ASPH: variants seen among roughly 807,000 people sequenced by gnomAD.
The protein encoded by ASPH is aspartyl/asparaginyl beta-hydroxylase.
Under a neutral mutation model 118.4 loss-of-function variants are expected in ASPH, and 100 were observed. The observed-to-expected ratio is 0.84, with a 90% confidence interval of 0.72 to 1.00. The LOEUF (loss-of-function observed/expected upper bound fraction) is 1.00, where lower values mean the gene tolerates loss of function less well. Among genes scored for constraint, ASPH ranks in the 50% least tolerant of loss-of-function variants. ASPH has a pLI of 0.00. For missense variants in ASPH, 920 were observed against 919.5 expected (o/e 1.00, Z -0.01); for synonymous variants, 315 against 325.6 (o/e 0.97, Z 0.35).
At chr8:61,657,920 C>T (rs1814612785) in intron 3 of ASPH, 1 of 152,140 alleles carries the variant, frequency 6.6e-6, no homozygotes, top group South Asian at 2.1e-4. Flanking sequence ...CAAAGGTGTA[C>T]AGATGAAAGA....
chr8:61,509,279 G>T (rs1807879848), intron 24 of ASPH, among the ~76,000 whole-genome samples: 1 of 152,160 alleles, frequency 6.6e-6, no homozygotes, highest in African/African-American at 2.4e-5. Flanking sequence ...GAATGTAAAG[G>T]AATAAAAGAA....
chr8:61,579,382 T>C (rs1836610679), intron 15 of ASPH: 1 of 1,613,912 alleles, frequency 6.2e-7, no homozygotes, highest in African/African-American at 1.3e-5. Context: ...GACATCGAGA[T>C]CGCCACCTAC....
chr8:61,584,241 T>C (rs1297562575), intron 14 of ASPH, among the ~76,000 whole-genome samples: 3 of 152,322 alleles, frequency 2.0e-5, no homozygotes, highest in Non-Finnish European at 4.4e-5. Context: ...CTTACCTATC[T>C]GCTACAATGT....
chr8:61,556,546 C>T (rs1051724764), intron 18 of ASPH, among the ~76,000 whole-genome samples: 1 of 152,142 alleles, frequency 6.6e-6, no homozygotes, highest in African/African-American at 2.4e-5. Context: ...CCATTTTAAG[C>T]CCTGAAGATA....
chr8:61,588,448 C>T (rs1840106929), intron 14 of ASPH, among the ~76,000 whole-genome samples: 3 of 152,186 alleles, frequency 2.0e-5, no homozygotes. Flanking sequence ...ATACTACAGT[C>T]CATGGGGAGA....
chr8:61,689,733 A>G (rs767356779), intron 1 of ASPH: 5 of 1,552,308 alleles, frequency 3.2e-6, no homozygotes, highest in South Asian at 1.2e-5. Context: ...AAGTAAAACA[A>G]AACAAAAAAA....
At chr8:61,562,670 T>G (rs1366209019) in intron 18 of ASPH, 74 bp downstream of exon 18, 1 of 1,345,612 alleles carries the variant, frequency 7.4e-7, no homozygotes, top group Non-Finnish European at 9.9e-7. Context: ...AAAGAGAGAC[T>G]GGGTATAATA....
chr8:61,642,849 A>G, intron 10 of ASPH, 39 bp downstream of exon 10: 1 of 1,495,564 alleles, frequency 6.7e-7, no homozygotes, highest in East Asian at 2.4e-5. Flanking sequence ...CCATCTCAAA[A>G]AAAAAAAGAA....
At chr8:61,693,352 C>T (rs1039576583) in intron 1 of ASPH, among the ~76,000 whole-genome samples, 5 of 152,172 alleles carry the variant, frequency 3.3e-5, no homozygotes, top group African/African-American at 9.7e-5. Context: ...TAACAGATTC[C>T]GTAACCCTGC....
chr8:61,593,344 TGAAA>T (rs1339357282), intron 14 of ASPH, among the ~76,000 whole-genome samples: 17 of 151,968 alleles, frequency 1.1e-4, no homozygotes, highest in Non-Finnish European at 2.1e-4. Flanking sequence ...GGGCAACTCT[TGAAA>T]GACTCTCTTA....
At chr8:61,573,556 A>G (rs1430186511) in intron 16 of ASPH, among the ~76,000 whole-genome samples, 6 of 152,188 alleles carry the variant, frequency 3.9e-5, no homozygotes, top group Non-Finnish European at 7.3e-5. Flanking sequence ...CAGAAATAAC[A>G]TCACACATCT....
intron 22 of ASPH, among the ~76,000 whole-genome samples, chr8:61,521,134 A>C (rs1812827970): frequency 6.6e-6 from 1 of 152,178 alleles, no homozygotes; most frequent in East Asian, 1.9e-4. Context: ...TGATGTCTAC[A>C]ACATGTCATA....
intron 14 of ASPH, among the ~76,000 whole-genome samples, chr8:61,604,225 G>A (rs1053461655): frequency 2.0e-5 from 3 of 152,052 alleles, no homozygotes; most frequent in Non-Finnish European, 4.4e-5. Flanking sequence ...TATGCAGAAA[G>A]GCAAAAACTA....
At chr8:61,508,169 C>T (rs919895166) in intron 24 of ASPH, among the ~76,000 whole-genome samples, 1 of 152,178 alleles carries the variant, frequency 6.6e-6, no homozygotes, top group Non-Finnish European at 1.5e-5. Context: ...TATGTGCCAC[C>T]ACATCCAGCT....
chr8:61,512,777 C>T (rs1275345177), intron 24 of ASPH, among the ~76,000 whole-genome samples: 1 of 152,114 alleles, frequency 6.6e-6, no homozygotes, highest in East Asian at 1.9e-4. Flanking sequence ...CTGTGTTTGA[C>T]ACAGATATAA....
chr8:61,602,973 A>G (rs1221633621), intron 14 of ASPH, among the ~76,000 whole-genome samples: 1 of 152,066 alleles, frequency 6.6e-6, no homozygotes, highest in Non-Finnish European at 1.5e-5. Context: ...CGGGCAGATC[A>G]CTTGGGGTCA....
At chr8:61,631,293 C>A (rs1855484962) in intron 13 of ASPH, among the ~76,000 whole-genome samples, 1 of 152,158 alleles carries the variant, frequency 6.6e-6, no homozygotes, top group Admixed American at 6.6e-5. Flanking sequence ...TAGGCTTTCA[C>A]ATTCACTCAC....
chr8:61,686,523 A>C (rs1263377078), intron 1 of ASPH, among the ~76,000 whole-genome samples: 1 of 152,194 alleles, frequency 6.6e-6, no homozygotes, highest in African/African-American at 2.4e-5. Context: ...TGTCTAATTC[A>C]CTACATTTTT....
chr8:61,605,628 T>C (rs1333431111), intron 14 of ASPH, among the ~76,000 whole-genome samples: 1 of 152,084 alleles, frequency 6.6e-6, no homozygotes, highest in African/African-American at 2.4e-5. Flanking sequence ...ATAAGGAAAA[T>C]GCTCACTGAT....
Sources: gnomAD v4.1 joint callset for allele counts (sites outside exome capture counted in the v4.1 genomes callset) on GRCh38, gnomAD v4.1.1 for gene constraint, MANE v1.5 for transcripts, NCBI Gene and HGNC (gene_info 2026-07-23, HGNC 2026-07-21) for gene names.